The following DROSHA variants were observed in gnomAD, a reference collection of about 807,000 sequenced individuals.
The protein encoded by DROSHA is ribonuclease 3.
In DROSHA, 56 loss-of-function variants were observed where a neutral mutation model predicts 181.9. The observed-to-expected ratio is 0.31, with a 90% CI of 0.25 to 0.38. The LOEUF is 0.38. Ranked by LOEUF, DROSHA falls within the 10% of genes least tolerant of loss-of-function variation. The pLI, the probability that DROSHA is intolerant of heterozygous loss-of-function variation, is 1.00. For missense variants in DROSHA, 1,218 were observed against 1,743.5 expected, an observed-to-expected ratio of 0.70 and a Z score of 5.37; for synonymous variants, 524 against 591.2, an observed-to-expected ratio of 0.89 and a Z score of 1.65.
intron 9 of DROSHA, among the ~76,000 whole-genome samples, chr5:31,509,264 C>A (rs542759663): frequency 3.9e-4 from 59 of 151,974 alleles, no homozygotes; most frequent in Non-Finnish European, 7.1e-4. Context: ...AAAATATAGC[C>A]CATAATGCTA....
At chr5:31,507,329 G>A (rs1052482731) in intron 10 of DROSHA, among the ~76,000 whole-genome samples, 2 of 151,966 alleles carry the variant, frequency 1.3e-5, no homozygotes, top group African/African-American at 4.8e-5. Flanking sequence ...GCGTGGAGGC[G>A]CATGCCTATA....
At chr5:31,506,048 C>T (rs6869442) in intron 10 of DROSHA, among the ~76,000 whole-genome samples, 93,216 of 152,012 alleles carry the variant, frequency 0.61, 28,934 homozygotes, top group Non-Finnish European at 0.66. Context: ...AAATAAGAGA[C>T]GTAACAGGAT....
intron 25 of DROSHA, among the ~76,000 whole-genome samples, chr5:31,433,538 A>G (rs1375258982): frequency 6.6e-6 from 1 of 151,952 alleles, no homozygotes; most frequent in Non-Finnish European, 1.5e-5. Flanking sequence ...TGCACGCATT[A>G]GCACAACTTC....
intron 23 of DROSHA, 36 bp downstream of exon 23, chr5:31,448,511 A>C: frequency 6.4e-7 from 1 of 1,560,736 alleles, no homozygotes; most frequent in South Asian, 1.1e-5. Flanking sequence ...CGTGAATTAT[A>C]TATCAATCAG....
At chr5:31,478,822 C>A (rs1750699242) in intron 16 of DROSHA, among the ~76,000 whole-genome samples, 1 of 152,184 alleles carries the variant, frequency 6.6e-6, no homozygotes, top group Non-Finnish European at 1.5e-5. Flanking sequence ...TTGGTCAGAA[C>A]TACAAATTGG....
In DROSHA at chr5:31,451,466, T is replaced by C; in HGVS notation, c.2682+67A>G. The C allele has an allele frequency of 3.0e-6, 4 of 1,331,360 alleles. No homozygotes were observed. The South Asian group carries it at 3.9e-5, about 13-fold the overall frequency. The allele number at this position is 1,331,360 out of a possible 1,614,324, so 82.5% of individuals were successfully genotyped here. On this transcript the variant is annotated intron_variant, in intron 21 of 35. Coordinates refer to ENST00000344624, the MANE Select transcript of DROSHA (RefSeq NM_001382508.1). The stretch of plus-strand genomic sequence containing the variant: ...CAGGATAGAGAACCCAATGTACCAT[T>C]TGTGACCTGCAAGATGAATTACTCC...
In DROSHA at chr5:31,467,980, A is replaced by G; in HGVS notation, c.2325T>C (p.Phe775=). The G allele has an allele frequency of 6.2e-7, 1 of 1,611,856 alleles. No individual in the cohort carries two copies. Among genetic ancestry groups the G allele is most frequent in the Non-Finnish European group, 8.5e-7 (1 of 1,179,054 alleles). ...AACTCAACTGTGCAGGGCGTATCCC[A>G]AAGTGGACGATAATCGGAAAAGTAA... ...DVITFPIIVH[F]GIRPAQLSYA... Residue 775 remains phenylalanine (F), a synonymous_variant, in exon 18 of 36, where the codon TTT becomes TTC. Transcript: ENST00000344624.
Position 31,451,658 on chromosome 5 carries a change from C to T in DROSHA, c.2575-18G>A. On this transcript the variant is annotated intron_variant, in intron 20 of 35. Transcript: ENST00000344624. ...ATTGCATGCTAGGAAAAAAAAAATT[C>T]AATATGTTTAACTTTATAAAAACTT... 1 of 1,559,718 alleles carries T rather than the reference C, an allele frequency of 6.4e-7. No homozygotes were observed. The highest frequency in any genetic ancestry group is 8.8e-7 in the Non-Finnish European group (1 of 1,141,938).
At chr5:31,427,402 G>A (rs2149999368) in intron 27 of DROSHA, among the ~76,000 whole-genome samples, 1 of 152,296 alleles carries the variant, frequency 6.6e-6, no homozygotes, top group Middle Eastern at 3.4e-3. Context: ...AAACTCAGTT[G>A]AGGGTGAAAA....
intron 27 of DROSHA, among the ~76,000 whole-genome samples, chr5:31,426,165 A>C (rs547262189): frequency 4.6e-5 from 7 of 151,914 alleles, no homozygotes; most frequent in Admixed American, 6.6e-5. Context: ...CCATGACCAG[A>C]CTAATGCACC....
At chr5:31,457,289 A>C (rs1358631004) in intron 20 of DROSHA, among the ~76,000 whole-genome samples, 2 of 151,752 alleles carry the variant, frequency 1.3e-5, no homozygotes, top group Non-Finnish European at 2.9e-5. Flanking sequence ...ACTCCCGGCT[A>C]ATTTTTTGTA....
chr5:31,444,402 T>C (rs528014861), intron 23 of DROSHA, among the ~76,000 whole-genome samples: 1 of 152,334 alleles, frequency 6.6e-6, no homozygotes, highest in South Asian at 2.1e-4. Flanking sequence ...TCTCTGTCAA[T>C]AATATCATTT....
At chr5:31,474,730 A>G (rs1750165472) in intron 16 of DROSHA, among the ~76,000 whole-genome samples, 1 of 152,182 alleles carries the variant, frequency 6.6e-6, no homozygotes, top group Non-Finnish European at 1.5e-5. Context: ...TAATAAGGTC[A>G]TGAAGGTAGA....
At position 31,466,823 on chromosome 5, in the gene DROSHA, C is replaced by T. The variant is rs73746805; in HGVS notation, c.2367-542G>A. 8.9e-3 allele frequency among the ~76,000 whole-genome samples: 1,358 copies of T among 152,198 alleles called. 26 individuals are homozygous for T. Among genetic ancestry groups the T allele is most frequent in the African/African-American group, 0.031 (1,281 of 41,522 alleles). On this transcript the variant is annotated intron_variant, in intron 18 of 35. Transcript: ENST00000344624. ...AGGATAAAAGACTAATGGTGTATACCAATTTGTATTTACCATGACAATATA... is the reference window on the plus strand; with the variant it reads ...AGGATAAAAGACTAATGGTGTATACTAATTTGTATTTACCATGACAATATA...
At chr5:31,475,745 CT>C (rs1349089273) in intron 16 of DROSHA, among the ~76,000 whole-genome samples, 5 of 152,104 alleles carry the variant, frequency 3.3e-5, no homozygotes, top group African/African-American at 1.2e-4. Context: ...CAGAATGTTG[CT>C]TTGTGTAAGA....
chr5:31,484,351 G>A (rs761097723), intron 15 of DROSHA, among the ~76,000 whole-genome samples: 8,764 of 128,980 alleles, frequency 0.068, 538 homozygotes, highest in East Asian at 0.17. Context: ...TCCGCAGTCC[G>A]GCCTGGGCGA....
At chr5:31,526,994 C>T in intron 4 of DROSHA, 82 bp from the exon 5 acceptor site, 2 of 1,312,446 alleles carry the variant, frequency 1.5e-6, no homozygotes, top group African/African-American at 1.5e-5. Flanking sequence ...AAATGCCTGA[C>T]CATCTTGATG....
chr5:31,451,846 C>T (rs1305132031), intron 20 of DROSHA, among the ~76,000 whole-genome samples: 5 of 152,154 alleles, frequency 3.3e-5, no homozygotes, highest in African/African-American at 7.2e-5. Context: ...AATCAGAATG[C>T]CTGGGTCTAA....
chr5:31,526,867 T>G lies in DROSHA; in HGVS notation c.66A>C (p.Arg22=). The G allele has an allele frequency of 3.7e-6, 6 of 1,613,302 alleles. No individual in the cohort carries two copies. Among genetic ancestry groups the G allele is most frequent in the Non-Finnish European group, 5.1e-6 (6 of 1,179,852 alleles). The change falls in exon 5 of 36, where the codon CGA becomes CGC. Residue 22 remains arginine, a synonymous_variant. Coordinates refer to ENST00000344624, the MANE Select transcript of DROSHA (RefSeq NM_001382508.1). ...CTGAGGGTCTGGCTCCATGTCCTCC[T>G]CGTCCTCGGGGACACCCTCGTCCCG... The part of the protein sequence containing the change: ...FHPGRGCPRG[R]GGHGARPSAP...
Sources: gnomAD v4.1 joint callset for allele counts (sites outside exome capture counted in the v4.1 genomes callset) on GRCh38, gnomAD v4.1.1 for gene constraint, MANE v1.5 for transcripts, NCBI Gene and HGNC (gene_info 2026-07-23, HGNC 2026-07-21) for gene names.